ATP13A3: variants seen among roughly 807,000 people sequenced by gnomAD.
ATP13A3 encodes the protein polyamine-transporting ATPase 13A3.
ATP13A3 carries 59 observed loss-of-function variants against 158.1 expected under a neutral mutation model. The observed-to-expected ratio is 0.37, with a 90% CI of 0.30 to 0.46. ATP13A3 has a LOEUF of 0.46. Ranked by LOEUF, ATP13A3 falls within the 20% of genes least tolerant of loss-of-function variation. The pLI, the probability that ATP13A3 is intolerant of heterozygous loss-of-function variation, is 1.00. For synonymous variants in ATP13A3, 491 were observed against 504.3 expected, an observed-to-expected ratio of 0.97 and a Z score of 0.35; for missense variants, 1,166 against 1,525.2, an observed-to-expected ratio of 0.76 and a Z score of 3.92.
At position 194,448,081 on chromosome 3, in the gene ATP13A3, T is replaced by TG; in HGVS notation, c.1151-73_1151-72insC. On this transcript the variant is annotated intron_variant, in intron 12 of 33. Transcript: ENST00000645319. This position sits in a 1 kb window ranked among gnomAD's most constrained non-coding sequence, Gnocchi z 4.0. ...GAATTATCTCCCAAAACAGAATCTC[T>TG]CTTTTTTTTTTTTTGAGACAGAGTC... 1.5e-6 allele frequency: 2 copies of TG among 1,328,104 alleles called. No homozygotes were observed. The highest frequency in any genetic ancestry group is 2.1e-6 in the Non-Finnish European group (2 of 945,024). The allele number at this position is 1,328,104 out of a possible 1,614,324, so 82.3% of individuals were successfully genotyped here. A position where few individuals can be genotyped will look rare whatever the true frequency, so the allele number is the denominator to read the frequency against.
intron 2 of ATP13A3, among the ~76,000 whole-genome samples, chr3:194,463,918 G>A (rs1719831146): frequency 6.6e-6 from 1 of 152,226 alleles, no homozygotes; most frequent in Non-Finnish European, 1.5e-5. Flanking sequence ...CCAGCGCTCT[G>A]GGAGGCCAAG....
rs1329393912 is a variant in ATP13A3, at chr3:194,438,840, T to C, written c.1827+16A>G. 6.7e-7 allele frequency: 1 copy of C among 1,487,178 alleles called. No individual in the cohort carries two copies. The highest frequency in any genetic ancestry group is 9.2e-7 in the Non-Finnish European group (1 of 1,085,046). The allele number at this position is 1,487,178 out of a possible 1,614,324, so 92.1% of individuals were successfully genotyped here. A position where few individuals can be genotyped will look rare whatever the true frequency, so the allele number is the denominator to read the frequency against. On this transcript the variant is annotated intron_variant, in intron 17 of 33. Transcript: ENST00000645319. ...TAACCACCAACAGTTTTATCTAGCT[T>C]TAAGTGATTTCTCACCATTTCTTGG...
At chr3:194,423,386 G>C (rs748301054) in intron 30 of ATP13A3, among the ~76,000 whole-genome samples, 1 of 152,078 alleles carries the variant, frequency 6.6e-6, no homozygotes, top group Non-Finnish European at 1.5e-5. Flanking sequence ...GCAACAACTG[G>C]CAGGTCCTAG....
At position 194,459,886 on chromosome 3, in the gene ATP13A3, T is replaced by C. The variant is rs1719515649; in HGVS notation, c.311A>G (p.Asn104Ser). 6 of 1,613,434 alleles carry C rather than the reference T, an allele frequency of 3.7e-6. No homozygotes were observed. The highest frequency in any genetic ancestry group is 5.1e-6 in the Non-Finnish European group (6 of 1,179,602). ...YPVSSPKSMS[N>S]KLSNGHAVCL... The stretch of plus-strand genomic sequence containing the variant: ...AACTGCATGGCCATTTGAAAGCTTA[T>C]TAGACATAGATTTTGGACTTGAAAC... Residue 104 changes from asparagine (N) to serine (S), a missense_variant, in exon 5 of 34, where the codon AAT becomes AGT. Asn to Ser is a conservative substitution (Grantham distance 46, BLOSUM62 1). This residue lies in a region of ATP13A3 where 104 missense variants were observed against 91.7 expected (regional missense o/e 1.13). Transcript: ENST00000645319.
upstream of ATP13A3, chr3:194,488,755 C>T (rs975160495): frequency 6.6e-6 from 1 of 152,286 alleles, no homozygotes; most frequent in African/African-American, 2.4e-5. The surrounding 1 kb of genome is among the most constrained non-coding windows in gnomAD (Gnocchi z 4.1). Flanking sequence ...TCCTTGGTAA[C>T]ATCTACTTGT....
chr3:194,444,621 G>T, intron 15 of ATP13A3, 104 bp downstream of exon 15: 1 of 936,502 alleles, frequency 1.1e-6, no homozygotes, highest in Non-Finnish European at 1.6e-6. Context: ...GTTTAATCCT[G>T]GTATAGGTAC....
At chr3:194,487,113 AG>A (rs952178002), upstream of ATP13A3, 1 of 151,948 alleles carries the variant, frequency 6.6e-6, no homozygotes, top group Non-Finnish European at 1.5e-5. Context: ...GGCGATTTAT[AG>A]GCCCCGCCCA....
At chr3:194,447,250 A>G in intron 13 of ATP13A3, 135 bp from the exon 14 acceptor site, 1 of 694,910 alleles carries the variant, frequency 1.4e-6, no homozygotes. Context: ...GTATATACAT[A>G]TCTATTAACC....
intron 2 of ATP13A3, among the ~76,000 whole-genome samples, chr3:194,482,893 G>A (rs1720808994): frequency 2.0e-5 from 3 of 152,080 alleles, no homozygotes; most frequent in Non-Finnish European, 4.4e-5. Context: ...GGATCACAAG[G>A]TCAGGAGTTC....
intron 2 of ATP13A3, among the ~76,000 whole-genome samples, chr3:194,477,176 C>T (rs767009767): frequency 6.6e-6 from 1 of 152,194 alleles, no homozygotes; most frequent in Non-Finnish European, 1.5e-5. Context: ...ACTTGCTCTT[C>T]CAGGACCAGC....
Position 194,405,509 on chromosome 3 carries a change from C to G in ATP13A3, c.*410G>C. On this transcript the variant is annotated 3_prime_UTR_variant, in exon 34 of 34. Transcript: ENST00000645319. ...CTTTTTATCAATCACAAACTTACAG[C>G]CTGTATATAAACACAGACTTTTCTA... is the stretch of plus-strand genomic sequence containing the variant. 1.2e-5 allele frequency: 2 copies of G among 160,892 alleles called. No individual in the cohort carries two copies. The highest frequency in any genetic ancestry group is 3.5e-4 in the South Asian group (2 of 5,698). The allele number at this position is 160,892 out of a possible 1,614,324, so 10.0% of individuals were successfully genotyped here. A position where few individuals can be genotyped will look rare whatever the true frequency, so the allele number is the denominator to read the frequency against.
Position 194,406,010 on chromosome 3 carries a change from T to G in ATP13A3, c.3680A>C (p.Asp1227Ala), listed in dbSNP as rs2108686623. The G allele has an allele frequency of 6.2e-7, 1 of 1,614,176 alleles. No homozygotes were observed. The highest frequency in any genetic ancestry group is 2.2e-5 in the East Asian group (1 of 44,878). Residue 1227 changes from aspartate to alanine, a missense_variant, in exon 34 of 34, where the codon GAT (aspartate) becomes GCT (alanine). Physicochemically the swap from Asp to Ala is moderately radical, Grantham distance 126. This residue lies in a region of ATP13A3 where 997 missense variants were observed against 1,341.2 expected (regional missense o/e 0.74). Transcript: ENST00000645319. ...CTGAGGTTTTGGTGGCCATTCTGGA[T>G]CAACCAAGAGCTCCTGCGCCAGATA... ...YMYLAQELLV[D>A]PEWPPKPQTT...
chr3:194,446,811 TAGAGG>T, intron 14 of ATP13A3, 111 bp downstream of exon 14: 1 of 998,932 alleles, frequency 1.0e-6, no homozygotes, highest in Non-Finnish European at 1.4e-6. Flanking sequence ...AAAGGAAAAT[TAGAGG>T]AACATGACAG....
At chr3:194,464,908 C>T (rs946739202) in intron 2 of ATP13A3, among the ~76,000 whole-genome samples, 4 of 152,088 alleles carry the variant, frequency 2.6e-5, no homozygotes, top group African/African-American at 7.2e-5. Flanking sequence ...TGAGCCACCA[C>T]ATCCCATGGG....
intron 10 of ATP13A3, chr3:194,452,896 C>T (rs1718910899): frequency 6.6e-6 from 1 of 152,196 alleles, no homozygotes; most frequent in African/African-American, 2.4e-5. Flanking sequence ...ACTGTTATCT[C>T]TACACCGAAT....
At chr3:194,413,872 G>A (rs1560069270) in intron 31 of ATP13A3, 33 bp from the exon 32 acceptor site, 11 of 1,542,700 alleles carry the variant, frequency 7.1e-6, no homozygotes, top group South Asian at 1.1e-5. Flanking sequence ...AGTTAAAATT[G>A]TTGTATGTAG....
intron 2 of ATP13A3, among the ~76,000 whole-genome samples, 184 bp from the exon 3 acceptor site, chr3:194,462,420 A>G (rs1719728060): frequency 6.6e-6 from 1 of 152,112 alleles, no homozygotes; most frequent in South Asian, 2.1e-4. Flanking sequence ...CCCCAGCTCT[A>G]CCTCCCATCA....
Position 194,427,144 on chromosome 3 carries a change from C to G in ATP13A3, c.3056G>C (p.Gly1019Ala), listed in dbSNP as rs200907067. Reference protein sequence around the residue: ...SVLSQIIICIGFQSLGFFWVK... With the variant: ...SVLSQIIICIAFQSLGFFWVK... ...CCAAAAAAAACCCAAAGATTGAAATCCAATGCAGATGATAATCTGAGACAA... is the reference window on the plus strand; with the variant it reads ...CCAAAAAAAACCCAAAGATTGAAATGCAATGCAGATGATAATCTGAGACAA... The change falls in exon 29 of 34, where the codon GGA becomes GCA. Residue 1019 changes from glycine to alanine, a missense_variant. Gly to Ala is a moderately conservative substitution (Grantham distance 60). Transcript: ENST00000645319. 8.6e-5 allele frequency: 139 copies of G among 1,613,806 alleles called. No individual in the cohort carries two copies. Among genetic ancestry groups the G allele is most frequent in the Non-Finnish European group, 4.2e-5 (50 of 1,179,942 alleles).
At chr3:194,493,132 T>G (rs1428569272) in intron 2 of ATP13A3, among the ~76,000 whole-genome samples, 4 of 138,614 alleles carry the variant, frequency 2.9e-5, no homozygotes, top group African/African-American at 8.2e-5. Flanking sequence ...AGATCTCAGC[T>G]CTTAAAAAAA....
Sources: gnomAD v4.1 joint callset for allele counts (sites outside exome capture counted in the v4.1 genomes callset) on GRCh38, gnomAD v4.1.1 for gene constraint, gnomAD v4.1.1 regional missense constraint, Gnocchi (gnomAD v3.1) non-coding constraint, MANE v1.5 for transcripts, NCBI Gene and HGNC (gene_info 2026-07-23, HGNC 2026-07-21) for gene names.